The following MTDH variants were observed in gnomAD, a reference collection of about 807,000 sequenced individuals.
The protein encoded by MTDH is protein LYRIC.
In MTDH, 34 loss-of-function variants were observed where a neutral mutation model predicts 72.7. That is an observed-to-expected ratio of 0.47 (90% CI 0.36 to 0.62). MTDH has a LOEUF of 0.62. MTDH is among the 20% of genes least tolerant of loss of function. MTDH has a pLI of 0.00. For missense variants in MTDH, 677 were observed against 699.4 expected (o/e 0.97, Z 0.36); for synonymous variants, 266 against 268.9 (o/e 0.99, Z 0.10).
chr8:97,705,948 G>A (rs1170394908), intron 7 of MTDH, among the ~76,000 whole-genome samples: 1 of 152,134 alleles, frequency 6.6e-6, no homozygotes, highest in African/African-American at 2.4e-5. Flanking sequence ...GTGAAATAAA[G>A]GGATCTGGAA....
chr8:97,725,047 TTCCTTGGATC>T lies in MTDH; in HGVS notation c.*379_*388del, dbSNP rs1815301902. ...GGGTTGCCTACAGATTAGTAAGCAA[TTCCTTGGATC>T]TTATGCACAGAACTTGTACCATTTG... On this transcript the variant is annotated 3_prime_UTR_variant, in exon 12 of 12. Transcript: ENST00000336273. 6.3e-6 allele frequency: 1 copy of T among 157,820 alleles called. No individual in the cohort carries two copies. The highest frequency in any genetic ancestry group is 2.4e-5 in the African/African-American group (1 of 41,576). The allele number at this position is 157,820 out of a possible 1,614,324, so 9.8% of individuals were successfully genotyped here.
At chr8:97,655,701 T>G (rs1461119897) in intron 1 of MTDH, among the ~76,000 whole-genome samples, 1 of 152,138 alleles carries the variant, frequency 6.6e-6, no homozygotes, top group South Asian at 2.1e-4. Flanking sequence ...CCTGTAATCC[T>G]AGCACTTTGG....
intron 11 of MTDH, among the ~76,000 whole-genome samples, 196 bp from the exon 12 acceptor site, chr8:97,724,404 A>G (rs1815275821): frequency 6.6e-6 from 1 of 152,220 alleles, no homozygotes; most frequent in African/African-American, 2.4e-5. Context: ...GTTCAACCTA[A>G]TAATACCATT....
chr8:97,697,150 A>ATATATATTTTTTTTTTT, intron 6 of MTDH, among the ~76,000 whole-genome samples: 11 of 68,784 alleles, frequency 1.6e-4, no homozygotes, highest in African/African-American at 1.0e-3. Flanking sequence ...ATATATATAT[A>ATATATATTTTTTTTTTT]TTTTTTTTTT....
In MTDH at chr8:97,724,688, T is replaced by C. The variant is rs761285821; in HGVS notation, c.*18T>C. 1.9e-6 allele frequency: 3 copies of C among 1,560,836 alleles called. No homozygotes were observed. Among genetic ancestry groups the C allele is most frequent in the East Asian group, 2.3e-5 (1 of 43,944 alleles). On this transcript the variant is annotated 3_prime_UTR_variant, in exon 12 of 12. Coordinates refer to ENST00000336273, the MANE Select transcript of MTDH (RefSeq NM_178812.4). ...AAACGTGAAATTTTTTTTCCTGAAT[T>C]GGACATGTGTTTGCAAACACTTGTC...
chr8:97,661,072 C>A lies in MTDH; in HGVS notation c.382C>A (p.Pro128Thr). The A allele has an allele frequency of 6.2e-7, 1 of 1,611,694 alleles. No individual in the cohort carries two copies. Among genetic ancestry groups the A allele is most frequent in the Non-Finnish European group, 8.5e-7 (1 of 1,178,512 alleles). The change falls in exon 2 of 12, where the codon CCA becomes ACA. Residue 128 changes from proline to threonine, a missense_variant and splice_region_variant. Pro to Thr is a conservative substitution (Grantham distance 38). Coordinates refer to ENST00000336273, the MANE Select transcript of MTDH (RefSeq NM_178812.4). ...ATGATACTTTTTGTTGCCTGTGCAG[C>A]CAAATGGGCGGACTGTTGAAGTGGC... ...NRKKLSEKPK[P>T]NGRTVEVAEG...
chr8:97,695,454 A>G (rs1255471108), intron 6 of MTDH, among the ~76,000 whole-genome samples: 4 of 152,158 alleles, frequency 2.6e-5, no homozygotes, highest in Non-Finnish European at 4.4e-5. Flanking sequence ...CATAATTAGG[A>G]CATAAATTAG....
chr8:97,715,125 C>CTTAA (rs1477105342), intron 9 of MTDH, among the ~76,000 whole-genome samples: 1 of 150,658 alleles, frequency 6.6e-6, no homozygotes, highest in Admixed American at 6.6e-5. Flanking sequence ...CACGCCCAGC[C>CTTAA]TTATTTATTT....
chr8:97,645,363 G>C (rs551464253), intron 1 of MTDH, among the ~76,000 whole-genome samples: 9 of 152,172 alleles, frequency 5.9e-5, no homozygotes, highest in Non-Finnish European at 1.3e-4. Flanking sequence ...AGAAATTCTG[G>C]GGCTTACACA....
At chr8:97,689,800 C>T (rs975507569) in intron 5 of MTDH, among the ~76,000 whole-genome samples, 7 of 149,552 alleles carry the variant, frequency 4.7e-5, no homozygotes, top group African/African-American at 9.8e-5. Context: ...CTCCACCTCC[C>T]GGGTGCAAGC....
chr8:97,707,962 CT>C (rs200601710), intron 8 of MTDH, among the ~76,000 whole-genome samples: 73 of 144,524 alleles, frequency 5.1e-4, no homozygotes, highest in South Asian at 8.8e-4. Flanking sequence ...ATGGATTGGT[CT>C]TTTTTTTTTT....
At chr8:97,688,610 TC>T (rs1813461553) in intron 4 of MTDH, among the ~76,000 whole-genome samples, 1 of 152,168 alleles carries the variant, frequency 6.6e-6, no homozygotes, top group East Asian at 1.9e-4. Flanking sequence ...ATTTCCTAAG[TC>T]CTGGTCCCAA....
intron 7 of MTDH, among the ~76,000 whole-genome samples, chr8:97,701,480 T>G (rs564083604): frequency 7.9e-5 from 12 of 152,302 alleles, no homozygotes; most frequent in African/African-American, 2.9e-4. Flanking sequence ...TCCTGAATAT[T>G]TTTGAACCCA....
chr8:97,714,657 T>C (rs554964071), intron 9 of MTDH, among the ~76,000 whole-genome samples: 1 of 151,980 alleles, frequency 6.6e-6, no homozygotes, highest in Admixed American at 6.6e-5. Flanking sequence ...ATTAGAAACA[T>C]GCATAGGTTT....
intron 1 of MTDH, among the ~76,000 whole-genome samples, chr8:97,647,300 C>T (rs969441270): frequency 2.0e-5 from 3 of 152,058 alleles, no homozygotes; most frequent in African/African-American, 4.8e-5. Context: ...CCCAGGTGGG[C>T]GTGAAAGGCC....
chr8:97,693,399 T>A (rs1017681161), intron 6 of MTDH, among the ~76,000 whole-genome samples: 10 of 152,338 alleles, frequency 6.6e-5, no homozygotes, highest in African/African-American at 2.2e-4. Context: ...TGCAGTGCAA[T>A]CTCAGCTCAC....
At position 97,649,282 on chromosome 8, in the gene MTDH, TTTA is replaced by T. The variant is rs1206719835; in HGVS notation, c.381+4399_381+4401del. On this transcript the variant is annotated intron_variant, in intron 1 of 11. Coordinates refer to ENST00000336273, the MANE Select transcript of MTDH (RefSeq NM_178812.4). ...CACTGCCACTGCCCTACTTTAGGAC[TTTA>T]TTACCTTTTGTTTAGACTGTTCTAA... Among the ~76,000 whole-genome samples the T allele has an allele frequency of 4.6e-5, 7 of 152,340 alleles. No individual in the cohort carries two copies. The East Asian group carries it at 1.3e-3, about 29-fold the overall frequency.
intron 8 of MTDH, among the ~76,000 whole-genome samples, chr8:97,709,450 A>G (rs1814531208): frequency 6.6e-6 from 1 of 152,216 alleles, no homozygotes; most frequent in Non-Finnish European, 1.5e-5. Context: ...CCTACATCAT[A>G]GGAATTCTTT....
At chr8:97,685,038 C>T (rs548496741) in intron 2 of MTDH, among the ~76,000 whole-genome samples, 2 of 152,290 alleles carry the variant, frequency 1.3e-5, no homozygotes, top group Admixed American at 6.5e-5. Flanking sequence ...TGCAGTCCAG[C>T]CTGGGTGACA....
Sources: gnomAD v4.1 joint callset for allele counts (sites outside exome capture counted in the v4.1 genomes callset) on GRCh38, gnomAD v4.1.1 for gene constraint, MANE v1.5 for transcripts, NCBI Gene and HGNC (gene_info 2026-07-23, HGNC 2026-07-21) for gene names.